The following PRKCA variants were observed in gnomAD, a reference collection of about 807,000 sequenced individuals.
PRKCA encodes protein kinase C alpha.
A neutral mutation model predicts 87.0 loss-of-function variants in PRKCA; 27 were observed. That is an observed-to-expected ratio of 0.31 (90% CI 0.23 to 0.43). The LOEUF is 0.43. PRKCA is among the 20% of genes least tolerant of loss of function. PRKCA has a pLI of 1.00. For synonymous variants in PRKCA, 329 were observed against 311.1 expected (o/e 1.06, Z -0.61); for missense variants, 518 against 852.3 (o/e 0.61, Z 4.88).
At chr17:66,776,975 G>A (rs1056941810) in intron 14 of PRKCA, among the ~76,000 whole-genome samples, 6 of 152,342 alleles carry the variant, frequency 3.9e-5, no homozygotes, top group African/African-American at 2.4e-5. Flanking sequence ...TTTCATGCGC[G>A]TGCTTGAGCC....
rs758573340 is a variant in PRKCA, at chr17:66,804,105, A to G, written c.*68A>G. The stretch of plus-strand genomic sequence containing the variant: ...CCCCGCAGTGGGAAGTGAATCCTTA[A>G]CCCTAAAATTTTAAGGCCACGGCCT... On this transcript the variant is annotated 3_prime_UTR_variant, in exon 17 of 17. Transcript: ENST00000413366. 4.8e-5 allele frequency: 74 copies of G among 1,540,394 alleles called. No individual in the cohort carries two copies. Among genetic ancestry groups the G allele is most frequent in the Non-Finnish European group, 6.2e-5 (71 of 1,142,866 alleles).
At chr17:66,637,660 G>A (rs1380931583) in intron 3 of PRKCA, among the ~76,000 whole-genome samples, 2 of 152,180 alleles carry the variant, frequency 1.3e-5, no homozygotes, top group African/African-American at 4.8e-5. Flanking sequence ...ACATAGAGGT[G>A]CTAGGTACTC....
chr17:66,386,331 A>C (rs573975843), intron 2 of PRKCA, among the ~76,000 whole-genome samples: 14 of 152,318 alleles, frequency 9.2e-5, no homozygotes, highest in African/African-American at 2.9e-4. Context: ...AGCAGAGCCC[A>C]GTTGATGGGC....
intron 2 of PRKCA, among the ~76,000 whole-genome samples, chr17:66,323,133 A>G (rs1905781903): frequency 6.6e-6 from 1 of 152,100 alleles, no homozygotes; most frequent in East Asian, 1.9e-4. Flanking sequence ...TTCCTCCTCC[A>G]TCTCCTCCTT....
chr17:66,738,254 T>C (rs1359289383), intron 10 of PRKCA, among the ~76,000 whole-genome samples: 1 of 152,234 alleles, frequency 6.6e-6, no homozygotes, highest in African/African-American at 2.4e-5. Flanking sequence ...CCAGTAAATA[T>C]ATTGAGCATG....
At chr17:66,704,719 T>C (rs1226636047) in intron 8 of PRKCA, among the ~76,000 whole-genome samples, 4 of 152,242 alleles carry the variant, frequency 2.6e-5, no homozygotes, top group Non-Finnish European at 4.4e-5. Flanking sequence ...CTGTTTTTAC[T>C]TATTCAAGAG....
intron 3 of PRKCA, among the ~76,000 whole-genome samples, chr17:66,611,249 G>T (rs227914): frequency 6.6e-6 from 1 of 151,892 alleles, no homozygotes; most frequent in Non-Finnish European, 1.5e-5. Flanking sequence ...GTGATTTTTT[G>T]TGTATGCCTA....
chr17:66,531,824 C>G (rs1312167754), intron 3 of PRKCA, among the ~76,000 whole-genome samples: 3 of 152,120 alleles, frequency 2.0e-5, no homozygotes, highest in African/African-American at 7.2e-5. Flanking sequence ...GGTTGGTGAC[C>G]AGGGACTTGA....
chr17:66,514,109 G>A (rs1468797792), intron 3 of PRKCA, among the ~76,000 whole-genome samples: 1 of 152,066 alleles, frequency 6.6e-6, no homozygotes, highest in African/African-American at 2.4e-5. Flanking sequence ...ATTAGTTATT[G>A]TTATTAATCT....
chr17:66,685,824 A>C (rs1196417733), intron 5 of PRKCA, among the ~76,000 whole-genome samples: 1 of 152,226 alleles, frequency 6.6e-6, no homozygotes, highest in Non-Finnish European at 1.5e-5. Flanking sequence ...TAATCAAACT[A>C]TGCTGATAAA....
At chr17:66,768,068 T>C (rs1974848767) in intron 13 of PRKCA, among the ~76,000 whole-genome samples, 1 of 152,096 alleles carries the variant, frequency 6.6e-6, no homozygotes, top group Admixed American at 6.5e-5. Context: ...CTCAGCCTCC[T>C]GAGTAGCTGG....
intron 5 of PRKCA, among the ~76,000 whole-genome samples, chr17:66,654,083 C>T (rs887356757): frequency 5.9e-5 from 9 of 152,132 alleles, no homozygotes; most frequent in African/African-American, 1.9e-4. Flanking sequence ...ATGAGTGGGG[C>T]GTTCAGTGTT....
intron 2 of PRKCA, among the ~76,000 whole-genome samples, chr17:66,360,103 T>A (rs1371811978): frequency 1.3e-5 from 2 of 152,216 alleles, no homozygotes; most frequent in Non-Finnish European, 2.9e-5. Context: ...AGAAGTATCA[T>A]AAAAACCATT....
rs190572907 is a variant in PRKCA at position 66,806,471 on chromosome 17, C to T, written c.*2434C>T. The T allele has an allele frequency of 6.4e-4, 97 of 152,420 alleles. No homozygotes were observed. In the East Asian group the frequency reaches 0.016, roughly 25 times the overall value. The allele number at this position is 152,420 out of a possible 1,614,324, so 9.4% of individuals were successfully genotyped here. A position where few individuals can be genotyped will look rare whatever the true frequency, so the allele number is the denominator to read the frequency against. ...GCATGATCTGGGTTCGTGTCCTGAC[C>T]AGGTGCTCCTCCTTTGATCCGAGGG... On this transcript the variant is annotated 3_prime_UTR_variant, in exon 17 of 17. Coordinates refer to ENST00000413366, the MANE Select transcript of PRKCA (RefSeq NM_002737.3).
Position 66,641,438 on chromosome 17 carries a change from A to G in PRKCA, c.372A>G (p.Gly124=), listed in dbSNP as rs1312818067. 11 of 1,609,340 alleles carry G rather than the reference A, an allele frequency of 6.8e-6. No homozygotes were observed. The highest frequency in any genetic ancestry group is 9.3e-6 in the Non-Finnish European group (11 of 1,177,332). Residue 124 remains glycine, a synonymous_variant, in exon 4 of 17, where the codon GGA becomes GGG. Coordinates refer to ENST00000413366, the MANE Select transcript of PRKCA (RefSeq NM_002737.3). ...ATCACTGTGGGTCACTGCTCTATGG[A>G]CTTATCCATCAAGGGATGAAATGTG... ...FCDHCGSLLY[G]LIHQGMKCDT... is the part of the protein sequence containing the mutation.
intron 2 of PRKCA, among the ~76,000 whole-genome samples, chr17:66,312,301 A>G (rs1905123863): frequency 6.6e-6 from 1 of 152,010 alleles, no homozygotes; most frequent in Admixed American, 6.6e-5. Flanking sequence ...TTTTCTTTAC[A>G]TTTTTTGGTG....
intron 3 of PRKCA, among the ~76,000 whole-genome samples, chr17:66,604,647 G>A (rs931907916): frequency 3.9e-5 from 6 of 152,322 alleles, no homozygotes; most frequent in African/African-American, 1.2e-4. Context: ...CTCAGAAGTA[G>A]TGCTGCAAAA....
chr17:66,780,881 G>T (rs1975191376), intron 14 of PRKCA, among the ~76,000 whole-genome samples: 1 of 152,042 alleles, frequency 6.6e-6, no homozygotes, highest in African/African-American at 2.4e-5. Flanking sequence ...GCCAAGGCGG[G>T]CAGATCACTT....
chr17:66,484,110 A>G (rs1428203869), intron 2 of PRKCA, among the ~76,000 whole-genome samples: 2 of 152,168 alleles, frequency 1.3e-5, no homozygotes, highest in Non-Finnish European at 2.9e-5. Flanking sequence ...AAGGAGAGCC[A>G]AGCGAAAGGG....
Sources: allele counts gnomAD v4.1 joint callset (sites outside exome capture counted in the v4.1 genomes callset), GRCh38; gene constraint gnomAD v4.1.1; transcripts MANE v1.5; gene names NCBI Gene and HGNC (gene_info 2026-07-23, HGNC 2026-07-21).